The following RPTOR variants were observed in gnomAD, a reference collection of about 807,000 sequenced individuals.
RPTOR encodes regulatory associated protein of MTOR complex 1.
Under a neutral mutation model 169.9 loss-of-function variants are expected in RPTOR, and 21 were observed. The ratio of observed to expected loss-of-function variants is 0.12; its 90% CI spans 0.09 to 0.18. The LOEUF (loss-of-function observed/expected upper bound fraction) is 0.18. RPTOR is among the 10% of genes least tolerant of loss of function. RPTOR has a pLI of 1.00. For synonymous variants in RPTOR, 732 were observed against 753.2 expected (o/e 0.97, Z 0.46); for missense variants, 1,133 against 1,855.9 (o/e 0.61, Z 7.16).
chr17:80,569,582 T>C (rs148634106), intron 1 of RPTOR, among the ~76,000 whole-genome samples: 12 of 152,274 alleles, frequency 7.9e-5, no homozygotes, highest in Admixed American at 3.3e-4. Context: ...TAGGTCAGGA[T>C]TGGAAAACTA....
chr17:80,864,385 T>G (rs2067961970), intron 13 of RPTOR, among the ~76,000 whole-genome samples: 1 of 144,942 alleles, frequency 6.9e-6, no homozygotes, highest in Admixed American at 7.0e-5. Context: ...ATGGCAAGTT[T>G]CTTCTCACAG....
chr17:80,846,604 C>A lies in RPTOR; in HGVS notation c.1314+30C>A, dbSNP rs563193200. The stretch of plus-strand genomic sequence containing the variant: ...GTTTCTTCAGACCGGGCCAGACAGC[C>A]GAGGTTCCTCAGGAAGGAAGCCAGA... On this transcript the variant is annotated intron_variant, in intron 11 of 33. Transcript: ENST00000306801. 4.4e-6 allele frequency: 7 copies of A among 1,596,830 alleles called. No homozygotes were observed. In the South Asian group the frequency reaches 7.7e-5, roughly 18 times the overall value.
intron 20 of RPTOR, among the ~76,000 whole-genome samples, chr17:80,905,429 C>CA (rs535677825): frequency 0.39 from 45,819 of 117,586 alleles, 8,431 homozygotes; most frequent in Non-Finnish European, 0.47. Context: ...ACTAAAAATA[C>CA]AAAAAAAAAA....
Position 80,708,233 on chromosome 17 carries a change from A to G in RPTOR, c.507+234A>G, listed in dbSNP as rs2066156035. Among the ~76,000 whole-genome samples the G allele has an allele frequency of 6.6e-6, 1 of 152,198 alleles. No homozygotes were observed. Among genetic ancestry groups the G allele is most frequent in the Non-Finnish European group, 1.5e-5 (1 of 68,034 alleles). ...CCTTGAAGTGTGGTGCGTGTGGTTT[A>G]TGTTCCCTCTGTAAGACCAGCAGTT... On this transcript the variant is annotated intron_variant, in intron 4 of 33. Coordinates refer to ENST00000306801, the MANE Select transcript of RPTOR (RefSeq NM_020761.3). This position sits in a 1 kb window ranked among gnomAD's most constrained non-coding sequence, Gnocchi z 4.2.
intron 6 of RPTOR, among the ~76,000 whole-genome samples, chr17:80,757,781 C>A (rs1474314037): frequency 6.6e-6 from 1 of 152,102 alleles, no homozygotes; most frequent in Non-Finnish European, 1.5e-5. Context: ...CTCTGCATCT[C>A]CTGGCTTTTC....
At chr17:80,694,430 G>A (rs1428095588) in intron 3 of RPTOR, among the ~76,000 whole-genome samples, 5 of 152,352 alleles carry the variant, frequency 3.3e-5, no homozygotes, top group East Asian at 3.9e-4. Context: ...CTCCACAGTC[G>A]CACAATCTCT....
At chr17:80,834,778 A>G (rs2067545698) in intron 9 of RPTOR, among the ~76,000 whole-genome samples, 1 of 152,184 alleles carries the variant, frequency 6.6e-6, no homozygotes. Flanking sequence ...TCCGGGAGGC[A>G]TGGTTCCAAA....
At chr17:80,588,166 C>A (rs529024171) in intron 1 of RPTOR, among the ~76,000 whole-genome samples, 7 of 138,592 alleles carry the variant, frequency 5.1e-5, no homozygotes, top group African/African-American at 1.9e-4. Flanking sequence ...TTTATCCATT[C>A]TTTTTTTTTT....
intron 1 of RPTOR, among the ~76,000 whole-genome samples, chr17:80,557,892 C>G (rs2084431063): frequency 6.6e-6 from 1 of 151,990 alleles, no homozygotes; most frequent in African/African-American, 2.4e-5. Flanking sequence ...TGCCACTGCA[C>G]TCCAGCCTGG....
chr17:80,835,434 C>G (rs2067553065), intron 9 of RPTOR, among the ~76,000 whole-genome samples: 1 of 152,150 alleles, frequency 6.6e-6, no homozygotes, highest in African/African-American at 2.4e-5. Context: ...GAAGCAGAAT[C>G]CAGTATACTG....
At chr17:80,962,846 T>TC in intron 32 of RPTOR, 82 bp from the exon 33 acceptor site, 1 of 1,587,830 alleles carries the variant, frequency 6.3e-7, no homozygotes, top group Non-Finnish European at 8.6e-7. Flanking sequence ...AGCCGGCCTG[T>TC]CCCCGCGGTC....
chr17:80,804,966 CCTT>C (rs1214342516), intron 7 of RPTOR: 1 of 152,260 alleles, frequency 6.6e-6, no homozygotes, highest in Non-Finnish European at 1.5e-5. Context: ...GGAGTGCTGA[CCTT>C]CTGTGTGATG....
chr17:80,744,071 T>A lies in RPTOR; in HGVS notation c.655-9939T>A, dbSNP rs371908296. On this transcript the variant is annotated intron_variant, in intron 5 of 33. Coordinates refer to ENST00000306801, the MANE Select transcript of RPTOR (RefSeq NM_020761.3). The stretch of plus-strand genomic sequence containing the variant: ...CTAGCACAGCCCTGGCTACTAGCAC[T>A]GTCCTGGTTACGAGCACAGCCCTGG... 3.0e-3 allele frequency among the ~76,000 whole-genome samples: 59 copies of A among 19,748 alleles called. 3 individuals are homozygous for A. Among genetic ancestry groups the A allele is most frequent in the African/African-American group, 0.014 (36 of 2,654 alleles). The allele number at this position is 19,748 out of a possible 152,430, so 13.0% of individuals were successfully genotyped here.
chr17:80,827,418 A>G (rs1189083260), intron 9 of RPTOR, among the ~76,000 whole-genome samples: 1 of 152,188 alleles, frequency 6.6e-6, no homozygotes, highest in African/African-American at 2.4e-5. Context: ...CTGCCTTCGC[A>G]GTTGAGACCA....
At chr17:80,804,818 T>C (rs898424143) in intron 7 of RPTOR, 1 of 152,268 alleles carries the variant, frequency 6.6e-6, no homozygotes, top group African/African-American at 2.4e-5. Context: ...CTGAGGAAAG[T>C]GGCATGAGTT....
At chr17:80,771,948 T>TGC (rs2066848130) in intron 6 of RPTOR, among the ~76,000 whole-genome samples, 1 of 152,298 alleles carries the variant, frequency 6.6e-6, no homozygotes, top group East Asian at 1.9e-4. Flanking sequence ...GCCTCCCTGG[T>TGC]AACTGGGTCT....
At chr17:80,598,065 C>CCATCAGG (rs1410478942) in intron 1 of RPTOR, among the ~76,000 whole-genome samples, 1 of 152,052 alleles carries the variant, frequency 6.6e-6, no homozygotes, top group Non-Finnish European at 1.5e-5. Context: ...TCTCTTGAGT[C>CCATCAGG]CATCAGGCTG....
At chr17:80,682,189 G>A (rs551213097) in intron 3 of RPTOR, among the ~76,000 whole-genome samples, 8 of 145,746 alleles carry the variant, frequency 5.5e-5, no homozygotes, top group African/African-American at 7.6e-5. Flanking sequence ...CTGCAGCCTC[G>A]ACCTCTTGGG....
At chr17:80,956,594 C>T (rs2069252471) in intron 28 of RPTOR, among the ~76,000 whole-genome samples, 1 of 152,274 alleles carries the variant, frequency 6.6e-6, no homozygotes, top group Non-Finnish European at 1.5e-5. Context: ...CATCTTCAAG[C>T]CTTAACAGCC....
Sources: gnomAD v4.1 joint callset for allele counts (sites outside exome capture counted in the v4.1 genomes callset) on GRCh38, gnomAD v4.1.1 for gene constraint, Gnocchi (gnomAD v3.1) non-coding constraint, MANE v1.5 for transcripts, NCBI Gene and HGNC (gene_info 2026-07-23, HGNC 2026-07-21) for gene names.